RFTN2: variants seen among roughly 807,000 people sequenced by gnomAD.
The protein encoded by RFTN2 is raftlin family member 2, also known as raftlin-2.
RFTN2 carries 34 observed loss-of-function variants against 52.7 expected under a neutral mutation model. The ratio of observed to expected loss-of-function variants is 0.64; its 90% CI spans 0.49 to 0.86. The LOEUF (loss-of-function observed/expected upper bound fraction) is 0.86. Among genes scored for constraint, RFTN2 ranks in the 40% least tolerant of loss-of-function variants. The pLI, the probability that RFTN2 is intolerant of heterozygous loss-of-function variation, is 0.00. For synonymous variants in RFTN2, 203 were observed against 217.7 expected (o/e 0.93, Z 0.59); for missense variants, 536 against 600.1 (o/e 0.89, Z 1.12).
In RFTN2 at chr2:197,600,833, T is replaced by C. The variant is rs143323396; in HGVS notation, c.1155-4764A>G. Among the ~76,000 whole-genome samples, 8 of 152,340 alleles carry C rather than the reference T, an allele frequency of 5.3e-5. No individual in the cohort carries two copies. The East Asian group carries it at 1.5e-3, about 29-fold the overall frequency. On this transcript the variant is annotated intron_variant, in intron 7 of 8. Transcript: ENST00000295049. Reference sequence around the variant, plus strand: ...CTTCTGGTTCTGTTTTAGACTTTAATGGACAGTCATGCTTTGATGTATTAG... The same window carrying C: ...CTTCTGGTTCTGTTTTAGACTTTAACGGACAGTCATGCTTTGATGTATTAG...
chr2:197,659,438 C>CAT (rs2088942865), intron 1 of RFTN2, among the ~76,000 whole-genome samples: 1 of 144,944 alleles, frequency 6.9e-6, no homozygotes, highest in African/African-American at 2.6e-5. Context: ...GACCGTGCTG[C>CAT]TGCACTCCAG....
At chr2:197,593,047 G>T (rs1443792499) in intron 8 of RFTN2, among the ~76,000 whole-genome samples, 1 of 152,140 alleles carries the variant, frequency 6.6e-6, no homozygotes, top group Non-Finnish European at 1.5e-5. Context: ...TTAAACATTT[G>T]TCAAATGAAG....
intron 8 of RFTN2, among the ~76,000 whole-genome samples, chr2:197,592,423 G>A (rs1264432936): frequency 5.3e-5 from 8 of 152,116 alleles, no homozygotes; most frequent in East Asian, 1.9e-4. Flanking sequence ...TTGAACTCCC[G>A]ACCTCAGATG....
chr2:197,666,931 G>A (rs1273728550), intron 1 of RFTN2, among the ~76,000 whole-genome samples: 2 of 152,030 alleles, frequency 1.3e-5, no homozygotes, highest in Non-Finnish European at 2.9e-5. Context: ...TGAAGCTCTT[G>A]AATGTATTTT....
chr2:197,612,856 T>A (rs189750921), intron 7 of RFTN2, among the ~76,000 whole-genome samples: 2 of 152,204 alleles, frequency 1.3e-5, no homozygotes, highest in South Asian at 2.1e-4. Flanking sequence ...CATTCAAGTA[T>A]GGCTTAGGTG....
At chr2:197,585,125 C>T (rs1191007282) in intron 8 of RFTN2, among the ~76,000 whole-genome samples, 1 of 152,188 alleles carries the variant, frequency 6.6e-6, no homozygotes, top group Non-Finnish European at 1.5e-5. Context: ...AGTACTCTCT[C>T]CTACTTCGCT....
chr2:197,594,475 G>A (rs1315245157), intron 8 of RFTN2, among the ~76,000 whole-genome samples: 2 of 152,064 alleles, frequency 1.3e-5, no homozygotes, highest in African/African-American at 4.8e-5. Context: ...CTACAGGCAT[G>A]TGCCACCATG....
intron 1 of RFTN2, among the ~76,000 whole-genome samples, chr2:197,668,214 C>T (rs1378303854): frequency 6.6e-6 from 1 of 152,042 alleles, no homozygotes; most frequent in Admixed American, 6.5e-5. Context: ...GCTGAACCAT[C>T]CCCTGACCTC....
At chr2:197,577,517 G>A (rs1176877119) in intron 8 of RFTN2, among the ~76,000 whole-genome samples, 1 of 152,162 alleles carries the variant, frequency 6.6e-6, no homozygotes, top group African/African-American at 2.4e-5. Flanking sequence ...TCTCAGAAAA[G>A]GTACAAAATT....
intron 8 of RFTN2, among the ~76,000 whole-genome samples, chr2:197,581,437 G>A (rs1457214756): frequency 6.6e-6 from 1 of 152,174 alleles, no homozygotes; most frequent in Non-Finnish European, 1.5e-5. Context: ...ACACCCATCA[G>A]TCCCAGCAGC....
At chr2:197,668,817 CACA>C (rs1426991661) in intron 1 of RFTN2, among the ~76,000 whole-genome samples, 1 of 152,154 alleles carries the variant, frequency 6.6e-6, no homozygotes, top group Admixed American at 6.5e-5. Flanking sequence ...AGTCCTGTGG[CACA>C]ATCTCTTGGC....
At chr2:197,599,403 G>A (rs1171493855) in intron 7 of RFTN2, among the ~76,000 whole-genome samples, 1 of 152,110 alleles carries the variant, frequency 6.6e-6, no homozygotes, top group Non-Finnish European at 1.5e-5. Context: ...TTGGAATGTG[G>A]GCGAGGAGTT....
At chr2:197,618,967 C>G (rs549421362) in intron 5 of RFTN2, among the ~76,000 whole-genome samples, 1 of 151,502 alleles carries the variant, frequency 6.6e-6, no homozygotes, top group Non-Finnish European at 1.5e-5. Flanking sequence ...GGGGGTCAGC[C>G]CCCCGCCCGG....
At chr2:197,594,938 A>C (rs1266627237) in intron 8 of RFTN2, among the ~76,000 whole-genome samples, 2 of 152,192 alleles carry the variant, frequency 1.3e-5, no homozygotes, top group South Asian at 4.1e-4. Flanking sequence ...TCTTTTTTCA[A>C]ATCTCTGCAG....
intron 7 of RFTN2, among the ~76,000 whole-genome samples, chr2:197,608,623 CTTTT>C (rs57681105): frequency 6.0e-5 from 6 of 99,490 alleles, no homozygotes; most frequent in African/African-American, 1.6e-4. Flanking sequence ...TGGGACCAGA[CTTTT>C]TTTTTTTTTT....
At chr2:197,603,456 G>C (rs2087911224) in intron 7 of RFTN2, among the ~76,000 whole-genome samples, 1 of 152,206 alleles carries the variant, frequency 6.6e-6, no homozygotes, top group Non-Finnish European at 1.5e-5. Context: ...ATTTAAGTAA[G>C]TTATAGGTAG....
intron 8 of RFTN2, among the ~76,000 whole-genome samples, chr2:197,583,623 TC>T (rs77360261): frequency 4.6e-5 from 7 of 151,274 alleles, no homozygotes; most frequent in African/African-American, 1.5e-4. Context: ...GGACAGTACT[TC>T]TTTTTTTTTT....
intron 1 of RFTN2, among the ~76,000 whole-genome samples, chr2:197,671,490 A>G (rs1235866906): frequency 6.6e-6 from 1 of 152,236 alleles, no homozygotes. Flanking sequence ...CATATTCCAA[A>G]CATCGTGCTG....
At chr2:197,620,699 G>A (rs910327597) in intron 5 of RFTN2, among the ~76,000 whole-genome samples, 3 of 152,250 alleles carry the variant, frequency 2.0e-5, no homozygotes, top group Non-Finnish European at 4.4e-5. Flanking sequence ...GGGCGCAGTG[G>A]CTCACGCCTG....
Sources: allele counts gnomAD v4.1 joint callset (sites outside exome capture counted in the v4.1 genomes callset), GRCh38; gene constraint gnomAD v4.1.1; transcripts MANE v1.5; gene names NCBI Gene and HGNC (gene_info 2026-07-23, HGNC 2026-07-21).